POR: variants seen among roughly 807,000 people sequenced by gnomAD.
The protein encoded by POR is cytochrome p450 oxidoreductase.
In POR, 56 loss-of-function variants were observed where a neutral mutation model predicts 84.0. That is an observed-to-expected ratio of 0.67 (90% confidence interval 0.54 to 0.83). POR has a LOEUF of 0.83. Ranked by LOEUF, POR falls within the 40% of genes least tolerant of loss-of-function variation. POR has a pLI of 0.00. For missense variants in POR, 938 were observed against 944.3 expected, an observed-to-expected ratio of 0.99 and a Z score of 0.09; for synonymous variants, 414 against 400.5, an observed-to-expected ratio of 1.03 and a Z score of -0.40.
chr7:75,982,320 G>A lies in POR; in HGVS notation c.828G>A (p.Lys276=), dbSNP rs1789100431. Residue 276 remains lysine (K), a splice_region_variant and synonymous_variant, in exon 8 of 16, where the codon AAG becomes AAA. Coordinates refer to ENST00000461988, the MANE Select transcript of POR (RefSeq NM_000941.3). ...GGCTGAAGAGCTACGAGAACCAGAA[G>A]CCGTGAGTGGAGGGAGCGTGGCTTG... 6.2e-7 allele frequency: 1 copy of A among 1,610,396 alleles called. No homozygotes were observed. The highest frequency in any genetic ancestry group is 8.5e-7 in the Non-Finnish European group (1 of 1,178,460).
In POR at chr7:75,936,890, G is replaced by A. The variant is rs189389858; in HGVS notation, c.-4-17099G>A. On this transcript the variant is annotated intron_variant, in intron 1 of 15. Coordinates refer to ENST00000461988, the MANE Select transcript of POR (RefSeq NM_000941.3). ...CACCCAGGCTGGAGTGCAGTGGCGC[G>A]ATCTTGGCTCACTGCAAACTCCACC... Among the ~76,000 whole-genome samples the A allele has an allele frequency of 9.6e-3, 1,403 of 145,562 alleles. 28 individuals carry two copies. The highest frequency in any genetic ancestry group is 0.035 in the African/African-American group (1,344 of 38,762).
rs568211683 is a variant in POR at position 75,980,912 on chromosome 7, CGCCTGGTGGAACGGAG to C, written c.517-130_517-115del. On this transcript the variant is annotated intron_variant, in intron 5 of 15. Coordinates refer to ENST00000461988, the MANE Select transcript of POR (RefSeq NM_000941.3). ...GCCCAGTGTTCCTTGCAGTGCGAGG[CGCCTGGTGGAACGGAG>C]GCCTGCAGGTGTTGCCAGCAGCTCA... The C allele has an allele frequency of 4.5e-5, 53 of 1,179,412 alleles. 1 individual carries two copies. In the South Asian group the frequency reaches 8.3e-4, roughly 18 times the overall value. The allele number at this position is 1,179,412 out of a possible 1,614,324, so 73.1% of individuals were successfully genotyped here. A position where few individuals can be genotyped will look rare whatever the true frequency, so the allele number is the denominator to read the frequency against.
intron 1 of POR, among the ~76,000 whole-genome samples, chr7:75,944,794 C>T (rs781875074): frequency 1.4e-4 from 21 of 152,078 alleles, no homozygotes; most frequent in Non-Finnish European, 1.5e-5. Flanking sequence ...ATGGAGGAGA[C>T]AGAAGAGAGA....
intron 1 of POR, among the ~76,000 whole-genome samples, chr7:75,925,589 G>A (rs1807074916): frequency 6.6e-6 from 1 of 152,128 alleles, no homozygotes. Context: ...ATAAAGCAGT[G>A]GTCAGCAGCC....
intron 1 of POR, among the ~76,000 whole-genome samples, chr7:75,921,907 A>G (rs1352270555): frequency 2.7e-5 from 4 of 150,594 alleles, no homozygotes; most frequent in African/African-American, 7.3e-5. Flanking sequence ...GGGTTTCACC[A>G]TGTTGGCCAG....
intron 1 of POR, among the ~76,000 whole-genome samples, chr7:75,953,283 C>G (rs1787532729): frequency 8.9e-6 from 1 of 112,804 alleles, no homozygotes; most frequent in Non-Finnish European, 1.7e-5. Context: ...AGTCCAGCTT[C>G]GGCTGGGCAT....
chr7:75,979,669 G>A (rs189667601), intron 4 of POR, 90 bp downstream of exon 4: 17 of 1,529,038 alleles, frequency 1.1e-5, no homozygotes, highest in East Asian at 4.6e-5. Flanking sequence ...GGGGGAGGCC[G>A]GCAGGGAGTG....
Position 75,986,455 on chromosome 7 carries a change from C to G in POR, c.2017C>G (p.Arg673Gly), listed in dbSNP as rs782258532. 6.3e-5 allele frequency: 101 copies of G among 1,611,508 alleles called. No homozygotes were observed. Among genetic ancestry groups the G allele is most frequent in the Non-Finnish European group, 8.1e-5 (96 of 1,179,786 alleles). ...CATCAAGAAACTGATGACCAAGGGCCGCTACTCCCTGGACGTGTGGAGCTA... is the reference window on the plus strand; with the variant it reads ...CATCAAGAAACTGATGACCAAGGGCGGCTACTCCCTGGACGTGTGGAGCTA... The change falls in exon 16 of 16, where the codon CGC (arginine) becomes GGC (glycine). Residue 673 changes from arginine to glycine, a missense_variant. By Grantham distance (125) the Arg-to-Gly change is moderately radical. Coordinates refer to ENST00000461988, the MANE Select transcript of POR (RefSeq NM_000941.3).
At chr7:75,933,076 G>T (rs1238838787) in intron 1 of POR, among the ~76,000 whole-genome samples, 1 of 150,804 alleles carries the variant, frequency 6.6e-6, no homozygotes, top group Non-Finnish European at 1.5e-5. Flanking sequence ...GTAAAAAACT[G>T]GTAGAATGAA....
chr7:75,968,079 G>A (rs1554555564), intron 2 of POR: 1 of 455,352 alleles, frequency 2.2e-6, no homozygotes, highest in Admixed American at 2.3e-5. Flanking sequence ...AGAGTGAGAA[G>A]CCATGGGGTG....
intron 1 of POR, among the ~76,000 whole-genome samples, chr7:75,927,717 C>T (rs1291451388): frequency 6.8e-6 from 1 of 146,860 alleles, no homozygotes; most frequent in Non-Finnish European, 1.5e-5. Flanking sequence ...GTGGTCCAGG[C>T]TGGAGTGCAG....
chr7:75,968,956 C>T (rs535881140), intron 2 of POR, among the ~76,000 whole-genome samples: 5 of 152,344 alleles, frequency 3.3e-5, no homozygotes, highest in South Asian at 2.1e-4. Flanking sequence ...CTTGGCACCC[C>T]GCTTCCCGTG....
chr7:75,928,176 G>A (rs1254330050), intron 1 of POR, among the ~76,000 whole-genome samples: 3 of 151,946 alleles, frequency 2.0e-5, no homozygotes, highest in South Asian at 2.1e-4. Context: ...TCACTATGTT[G>A]GCCAGGCTGG....
At chr7:75,957,101 C>T (rs1475195496) in intron 2 of POR, among the ~76,000 whole-genome samples, 2 of 152,214 alleles carry the variant, frequency 1.3e-5, no homozygotes, top group Non-Finnish European at 2.9e-5. Context: ...TGCAACAGCG[C>T]CGTGCGTTAG....
chr7:75,931,634 G>A (rs2116276802), intron 1 of POR, among the ~76,000 whole-genome samples: 1 of 152,190 alleles, frequency 6.6e-6, no homozygotes, highest in African/African-American at 2.4e-5. Flanking sequence ...CTCCCAAAGT[G>A]CTGGGATTAC....
chr7:75,927,689 G>C (rs1288231459), intron 1 of POR, among the ~76,000 whole-genome samples: 1 of 64,236 alleles, frequency 1.6e-5, no homozygotes, highest in Non-Finnish European at 3.0e-5. Context: ...TTTTTTTTTT[G>C]AGACTGACTC....
intron 12 of POR, 97 bp downstream of exon 12, chr7:75,985,304 G>A (rs976137893): frequency 2.1e-6 from 3 of 1,404,274 alleles, no homozygotes; most frequent in East Asian, 2.5e-5. Flanking sequence ...CGAGATCTGA[G>A]CCCTGAGCTC....
chr7:75,967,904 G>T (rs376283426), intron 2 of POR: 1 of 374,602 alleles, frequency 2.7e-6, no homozygotes, highest in Non-Finnish European at 5.4e-6. Context: ...GGGAAATTCC[G>T]AGAGGACTTT....
Position 75,983,652 on chromosome 7 carries a change from G to A in POR, c.947+16G>A, listed in dbSNP as rs782281971. The A allele has an allele frequency of 7.5e-6, 12 of 1,610,550 alleles. No homozygotes were observed. In the East Asian group the frequency reaches 2.5e-4, roughly 33 times the overall value. The stretch of plus-strand genomic sequence containing the variant: ...CCAAAATCAGGTACCAGCTGCCACT[G>A]TCACCCCCTGAACCCTCACTCTGGG... On this transcript the variant is annotated intron_variant, in intron 9 of 15. Transcript: ENST00000461988.
Sources: gnomAD v4.1 joint callset for allele counts (sites outside exome capture counted in the v4.1 genomes callset) on GRCh38, gnomAD v4.1.1 for gene constraint, MANE v1.5 for transcripts, NCBI Gene and HGNC (gene_info 2026-07-23, HGNC 2026-07-21) for gene names.